Variants in DRG1 observed in about 807,000 individuals in gnomAD.
DRG1 encodes developmentally-regulated GTP-binding protein 1.
Under a neutral mutation model 38.8 loss-of-function variants are expected in DRG1, and 19 were observed. That is an observed-to-expected ratio of 0.49 (90% CI 0.34 to 0.72). The LOEUF is 0.72. Among genes scored for constraint, DRG1 ranks in the 30% least tolerant of loss-of-function variants. The pLI, the probability that DRG1 is intolerant of heterozygous loss-of-function variation, is 0.01. For synonymous variants in DRG1, 167 were observed against 157.5 expected (o/e 1.06, Z -0.45); for missense variants, 299 against 444.8 (o/e 0.67, Z 2.95).
At chr22:31,406,094 C>T (rs908666066) in intron 3 of DRG1, among the ~76,000 whole-genome samples, 2 of 151,766 alleles carry the variant, frequency 1.3e-5, no homozygotes, top group Non-Finnish European at 2.9e-5. Context: ...AACCTCCTCC[C>T]GGCTTCAAGT....
chr22:31,417,036 C>A (rs2050048201), intron 4 of DRG1, among the ~76,000 whole-genome samples: 2 of 150,584 alleles, frequency 1.3e-5, no homozygotes, highest in Admixed American at 1.3e-4. Flanking sequence ...TGCACTGCAG[C>A]CTGGGCAGCA....
chr22:31,424,018 C>T (rs1401507247), intron 6 of DRG1, among the ~76,000 whole-genome samples: 2 of 151,870 alleles, frequency 1.3e-5, no homozygotes, highest in African/African-American at 2.4e-5. Context: ...GCCTGTGCCG[C>T]CACGCCTGGC....
intron 4 of DRG1, among the ~76,000 whole-genome samples, chr22:31,415,978 A>T (rs1011101301): frequency 6.6e-6 from 1 of 151,644 alleles, no homozygotes; most frequent in Non-Finnish European, 1.5e-5. Context: ...CTGCTATCCT[A>T]CTGCTCTGTA....
At chr22:31,430,304 C>T (rs751165209) in intron 8 of DRG1, among the ~76,000 whole-genome samples, 1 of 152,128 alleles carries the variant, frequency 6.6e-6, no homozygotes, top group East Asian at 1.9e-4. Flanking sequence ...TCTGTCTTAT[C>T]CTTCCTCACT....
chr22:31,423,763 G>A (rs1468453340), intron 6 of DRG1, among the ~76,000 whole-genome samples: 2 of 151,716 alleles, frequency 1.3e-5, no homozygotes, highest in Non-Finnish European at 1.5e-5. Context: ...CTGACCTCAA[G>A]TGATCCGTCT....
rs1355736467 is a variant in DRG1, at chr22:31,434,144, T to C, written c.*173T>C. 1.7e-6 allele frequency: 1 copy of C among 578,206 alleles called. No individual in the cohort carries two copies. Among genetic ancestry groups the C allele is most frequent in the African/African-American group, 1.9e-5 (1 of 53,268 alleles). The allele number at this position is 578,206 out of a possible 1,614,324, so 35.8% of individuals were successfully genotyped here. A position where few individuals can be genotyped will look rare whatever the true frequency, so the allele number is the denominator to read the frequency against. On this transcript the variant is annotated 3_prime_UTR_variant, in exon 9 of 9. Transcript: ENST00000331457. ...TCTTACCTTGGTGTCACCTTGTATGTCGAACTGCATAAAAGATCTGGTAGG... is the reference window on the plus strand; with the variant it reads ...TCTTACCTTGGTGTCACCTTGTATGCCGAACTGCATAAAAGATCTGGTAGG...
intron 8 of DRG1, among the ~76,000 whole-genome samples, chr22:31,427,543 C>T (rs1462120541): frequency 2.6e-5 from 4 of 152,140 alleles, no homozygotes; most frequent in Non-Finnish European, 5.9e-5. Flanking sequence ...TAATCTCTTA[C>T]ATTTTTCACT....
chr22:31,434,019 C>T lies in DRG1; in HGVS notation c.*48C>T, dbSNP rs773962879. The T allele has an allele frequency of 3.2e-6, 5 of 1,548,046 alleles. No homozygotes were observed. In the South Asian group the frequency reaches 5.7e-5, roughly 18 times the overall value. On this transcript the variant is annotated 3_prime_UTR_variant, in exon 9 of 9. Coordinates refer to ENST00000331457, the MANE Select transcript of DRG1 (RefSeq NM_004147.4). The stretch of plus-strand genomic sequence containing the variant: ...CCGGACGAACCACAACAGCGTTCCC[C>T]ATGATCAAGCACCCTACCCCAGTTC...
At chr22:31,403,311 C>G (rs1401212500) in intron 3 of DRG1, 107 bp downstream of exon 3, 1 of 1,153,210 alleles carries the variant, frequency 8.7e-7, no homozygotes, top group African/African-American at 1.6e-5. Flanking sequence ...ATCTACCAGG[C>G]ACTTACTACC....
chr22:31,431,848 C>G (rs923280422), intron 8 of DRG1, among the ~76,000 whole-genome samples: 2 of 152,110 alleles, frequency 1.3e-5, no homozygotes, highest in Non-Finnish European at 2.9e-5. Flanking sequence ...GTAAAGATGA[C>G]TTTTGTAAAA....
At chr22:31,424,797 C>G (rs2050099467) in intron 6 of DRG1, among the ~76,000 whole-genome samples, 1 of 21,540 alleles carries the variant, frequency 4.6e-5, no homozygotes, top group African/African-American at 3.6e-4. Context: ...GTGCCCGGCA[C>G]CCGCCCCCCC....
chr22:31,420,030 A>G (rs2050067472), intron 4 of DRG1, among the ~76,000 whole-genome samples: 1 of 152,128 alleles, frequency 6.6e-6, no homozygotes, highest in African/African-American at 2.4e-5. Context: ...GCAACAGAAA[A>G]TGTGTCAACT....
chr22:31,423,094 C>T (rs752801937), intron 5 of DRG1, among the ~76,000 whole-genome samples, 186 bp from the exon 6 acceptor site: 3 of 152,106 alleles, frequency 2.0e-5, no homozygotes, highest in African/African-American at 2.4e-5. Context: ...CACAGTTCAG[C>T]GTGTAACACC....
chr22:31,431,810 C>CATT (rs1221069596), intron 8 of DRG1, among the ~76,000 whole-genome samples: 1 of 152,156 alleles, frequency 6.6e-6, no homozygotes, highest in Non-Finnish European at 1.5e-5. Context: ...ACAGTCAAAA[C>CATT]ATTATGCTTT....
intron 2 of DRG1, 137 bp downstream of exon 2, chr22:31,400,880 A>G (rs543212242): frequency 2.0e-6 from 2 of 1,018,796 alleles, no homozygotes; most frequent in Non-Finnish European, 2.7e-6. Context: ...TGGGAGGCTG[A>G]GATAGGAGGA....
intron 6 of DRG1, among the ~76,000 whole-genome samples, chr22:31,424,362 A>G (rs1221920150): frequency 1.3e-5 from 2 of 149,712 alleles, no homozygotes; most frequent in Admixed American, 1.3e-4. Flanking sequence ...TGTTGGCCAG[A>G]CTGGTCTCAA....
At chr22:31,411,924 T>G (rs2050020290) in intron 4 of DRG1, among the ~76,000 whole-genome samples, 1 of 152,074 alleles carries the variant, frequency 6.6e-6, no homozygotes, top group African/African-American at 2.4e-5. Context: ...ACTATTGCTG[T>G]TGAGTCCAAT....
chr22:31,402,352 AAAAC>A (rs901105324), intron 2 of DRG1, among the ~76,000 whole-genome samples: 3 of 152,134 alleles, frequency 2.0e-5, no homozygotes, highest in African/African-American at 7.2e-5. Flanking sequence ...GAAAGACAAA[AAAAC>A]AAAAACAAAA....
Position 31,407,761 on chromosome 22 carries a change from A to G in DRG1, c.343-3251A>G, listed in dbSNP as rs1012358067. Reference sequence around the variant, plus strand: ...CACCTGCTAAATCAGTTTTCATTGCAGTTTATTTAATGCAAAGTATATTTC... The same window carrying G: ...CACCTGCTAAATCAGTTTTCATTGCGGTTTATTTAATGCAAAGTATATTTC... On this transcript the variant is annotated intron_variant, in intron 3 of 8. Coordinates refer to ENST00000331457, the MANE Select transcript of DRG1 (RefSeq NM_004147.4). Among the ~76,000 whole-genome samples, 62 of 147,316 alleles carry G rather than the reference A, an allele frequency of 4.2e-4. 2 individuals are homozygous for G. Among genetic ancestry groups the G allele is most frequent in the Non-Finnish European group, 5.9e-5 (4 of 67,336 alleles).
Sources: allele counts gnomAD v4.1 joint callset (sites outside exome capture counted in the v4.1 genomes callset), GRCh38; gene constraint gnomAD v4.1.1; transcripts MANE v1.5; gene names NCBI Gene and HGNC (gene_info 2026-07-23, HGNC 2026-07-21).